SH2D3C: variants seen among roughly 807,000 people sequenced by gnomAD.
SH2D3C encodes the protein SH2 domain containing 3C.
In SH2D3C, 25 loss-of-function variants were observed where a neutral mutation model predicts 75.2. The ratio of observed to expected loss-of-function variants is 0.33; its 90% confidence interval spans 0.24 to 0.46. SH2D3C has a LOEUF of 0.46. Among genes scored for constraint, SH2D3C ranks in the 20% least tolerant of loss-of-function variants. The probability of loss-of-function intolerance (pLI) is 1.00; values close to 1 mark genes in which losing one functional copy is unlikely to be tolerated. For missense variants in SH2D3C, 933 were observed against 1,165.3 expected (o/e 0.80, Z 2.90); for synonymous variants, 450 against 473.7 (o/e 0.95, Z 0.65).
At position 127,778,622 on chromosome 9, in the gene SH2D3C, T is replaced by C; in HGVS notation, c.6A>G (p.Thr2=). Residue 2 remains threonine, a synonymous_variant, in exon 1 of 12, where the codon ACA becomes ACG. Transcript: ENST00000314830. M[T]EGTKKTSKKF... Reference sequence around the variant, plus strand: ...TTTTGCTGGTCTTCTTGGTCCCCTCTGTCATCTTGGCAAATTGTGTGAAGC... The same window carrying C: ...TTTTGCTGGTCTTCTTGGTCCCCTCCGTCATCTTGGCAAATTGTGTGAAGC... The C allele has an allele frequency of 6.2e-7, 1 of 1,613,978 alleles. No individual in the cohort carries two copies. Among genetic ancestry groups the C allele is most frequent in the East Asian group, 2.2e-5 (1 of 44,886 alleles).
At position 127,761,515 on chromosome 9, in the gene SH2D3C, C is replaced by T. The variant is rs999316716; in HGVS notation, c.555+96G>A. The T allele has an allele frequency of 2.7e-4, 228 of 855,002 alleles. No individual in the cohort carries two copies. The African/African-American group carries it at 3.3e-3, about 12-fold the overall frequency. The allele number at this position is 855,002 out of a possible 1,614,324, so 53.0% of individuals were successfully genotyped here. A position where few individuals can be genotyped will look rare whatever the true frequency, so the allele number is the denominator to read the frequency against. Reference sequence around the variant, plus strand: ...GGGAATACACAGTGAGGTCTGGCTCCTAACAAGGCTTGAGGAAGGGCTCTG... The same window carrying T: ...GGGAATACACAGTGAGGTCTGGCTCTTAACAAGGCTTGAGGAAGGGCTCTG... On this transcript the variant is annotated intron_variant, in intron 3 of 11. Coordinates refer to ENST00000314830, the MANE Select transcript of SH2D3C (RefSeq NM_170600.3).
rs1159336156 is a variant in SH2D3C at position 127,747,259 on chromosome 9, G to A, written c.1152C>T (p.Pro384=). 6.2e-7 allele frequency: 1 copy of A among 1,612,984 alleles called. No individual in the cohort carries two copies. Among genetic ancestry groups the A allele is most frequent in the Admixed American group, 1.7e-5 (1 of 60,004 alleles). Residue 384 remains proline (P), a synonymous_variant, in exon 6 of 12, where the codon CCC becomes CCT. Transcript: ENST00000314830. ...SDGCPTSTSL[P]RPRDSIRSCA... ...AGCTGCGGATGGAGTCCCGAGGGCG[G>A]GGCAGCGACGTACTGTGGAGCAGAC...
At chr9:127,757,669 T>TA (rs1554798709) in intron 3 of SH2D3C, among the ~76,000 whole-genome samples, 2 of 147,694 alleles carry the variant, frequency 1.4e-5, no homozygotes, top group African/African-American at 2.5e-5. Flanking sequence ...TTATTATTAT[T>TA]TTGAGATGGA....
chr9:127,775,276 T>C (rs1207084063), intron 1 of SH2D3C, among the ~76,000 whole-genome samples: 4 of 152,160 alleles, frequency 2.6e-5, no homozygotes, highest in African/African-American at 9.7e-5. Flanking sequence ...GGAGGACTGC[T>C]TGAGGTCAAG....
chr9:127,740,349 T>C lies in SH2D3C; in HGVS notation c.2109A>G (p.Thr703=), dbSNP rs1476961419. The C allele has an allele frequency of 3.1e-6, 5 of 1,614,086 alleles. No homozygotes were observed. The highest frequency in any genetic ancestry group is 4.2e-6 in the Non-Finnish European group (5 of 1,179,990). Residue 703 remains threonine, a synonymous_variant, in exon 10 of 12, where the codon ACA becomes ACG. Transcript: ENST00000314830. ...DMAQISRLEQ[T]WVTLRQRHTE... is the part of the protein sequence containing the mutation. ...TGTGTCGCTGCCGCAGGGTCACCCA[T>C]GTCTGCTCCAGCCGAGAAATCTGGG...
rs1844792554 is a variant in SH2D3C, at chr9:127,739,708, T to G, written c.2381A>C (p.His794Pro). Reference protein sequence around the residue: ...RTVAHHGGLYHTNAEVKLQGF... With the variant: ...RTVAHHGGLYPTNAEVKLQGF... ...CTGCAGCTTGACTTCAGCATTGGTG[T>G]GGTACAGGCCTCCGTGGTGTGCCAC... The change falls in exon 11 of 12, where the codon CAC becomes CCC. Residue 794 changes from histidine (H) to proline (P), a missense_variant. Physicochemically the swap from His to Pro is moderately conservative, Grantham distance 77. Transcript: ENST00000314830. This position sits in a 1 kb window ranked among gnomAD's most constrained non-coding sequence, Gnocchi z 4.3. The G allele has an allele frequency of 6.2e-7, 1 of 1,609,896 alleles. No individual in the cohort carries two copies. Among genetic ancestry groups the G allele is most frequent in the African/African-American group, 1.3e-5 (1 of 74,798 alleles).
chr9:127,771,383 T>C, intron 2 of SH2D3C: 2 of 1,330,344 alleles, frequency 1.5e-6, no homozygotes, highest in Non-Finnish European at 1.9e-6. Context: ...CTGCGCTCCT[T>C]GCCCGGCCCC....
intron 2 of SH2D3C, chr9:127,762,270 T>C (rs1845547260): frequency 4.8e-6 from 6 of 1,242,638 alleles, no homozygotes; most frequent in Non-Finnish European, 6.2e-6. Flanking sequence ...CGGCTGTTTT[T>C]CCTTCCTTCC....
At chr9:127,765,043 C>T (rs1389877952) in intron 2 of SH2D3C, among the ~76,000 whole-genome samples, 1 of 152,044 alleles carries the variant, frequency 6.6e-6, no homozygotes, top group African/African-American at 2.4e-5. Flanking sequence ...CAGAGTCTCA[C>T]TCTGTCATCT....
chr9:127,768,069 T>G (rs1845668361), intron 2 of SH2D3C, among the ~76,000 whole-genome samples: 1 of 152,068 alleles, frequency 6.6e-6, no homozygotes, highest in Non-Finnish European at 1.5e-5. Context: ...TGAGAAAGTC[T>G]CCACAGGAAA....
In SH2D3C at chr9:127,760,684, C is replaced by T. The variant is rs141083109; in HGVS notation, c.555+927G>A. Reference sequence around the variant, plus strand: ...GGACCTCAAGTTTCCCATCTGTAAACGGGCACAAGAAGGCTCTCCCTACCC... The same window carrying T: ...GGACCTCAAGTTTCCCATCTGTAAATGGGCACAAGAAGGCTCTCCCTACCC... On this transcript the variant is annotated intron_variant, in intron 3 of 11. Coordinates refer to ENST00000314830, the MANE Select transcript of SH2D3C (RefSeq NM_170600.3). Among the ~76,000 whole-genome samples the T allele has an allele frequency of 1.1e-3, 168 of 152,158 alleles. 4 individuals carry two copies. The East Asian group carries it at 0.03, about 27-fold the overall frequency.
At chr9:127,771,408 T>A in intron 2 of SH2D3C, 1 of 1,295,632 alleles carries the variant, frequency 7.7e-7, no homozygotes. Context: ...CACCGCCTAC[T>A]CCACCGGCAG....
At chr9:127,742,156 T>A (rs1844881391) in intron 8 of SH2D3C, among the ~76,000 whole-genome samples, 197 bp from the exon 9 acceptor site, 1 of 151,928 alleles carries the variant, frequency 6.6e-6, no homozygotes, top group African/African-American at 2.4e-5. Context: ...TCAGCATAAA[T>A]CAGGGGCGGG....
intron 3 of SH2D3C, among the ~76,000 whole-genome samples, chr9:127,753,216 G>C (rs1344466780): frequency 6.6e-6 from 1 of 152,272 alleles, no homozygotes; most frequent in East Asian, 1.9e-4. Context: ...GCAGCCTAGG[G>C]TTTTCCAGGC....
intron 5 of SH2D3C, among the ~76,000 whole-genome samples, chr9:127,747,697 C>A (rs937931369): frequency 6.6e-6 from 1 of 152,032 alleles, no homozygotes; most frequent in African/African-American, 2.4e-5. Context: ...CGTTACCAAG[C>A]GTGGCTAATT....
intron 8 of SH2D3C, 133 bp from the exon 9 acceptor site, chr9:127,742,092 G>T: frequency 2.5e-6 from 2 of 800,516 alleles, no homozygotes; most frequent in South Asian, 3.8e-5. Flanking sequence ...AGGGTCAATG[G>T]GATAAGGGGG....
chr9:127,776,962 A>G (rs1829019271), intron 1 of SH2D3C, among the ~76,000 whole-genome samples: 1 of 152,128 alleles, frequency 6.6e-6, no homozygotes, highest in Admixed American at 6.5e-5. Context: ...CTTCTTTCTC[A>G]GCACCACTGG....
chr9:127,770,260 T>C (rs755643264), intron 2 of SH2D3C, among the ~76,000 whole-genome samples: 1 of 152,100 alleles, frequency 6.6e-6, no homozygotes, highest in Admixed American at 6.5e-5. Context: ...TTCCCCTTCC[T>C]TCCTCCTGCT....
Position 127,751,388 on chromosome 9 carries a change from TC to T in SH2D3C, c.556-89del. 1 of 1,315,990 alleles carries T rather than the reference TC, an allele frequency of 7.6e-7. No homozygotes were observed. The allele number at this position is 1,315,990 out of a possible 1,614,324, so 81.5% of individuals were successfully genotyped here. A position where few individuals can be genotyped will look rare whatever the true frequency, so the allele number is the denominator to read the frequency against. On this transcript the variant is annotated intron_variant, in intron 3 of 11. Coordinates refer to ENST00000314830, the MANE Select transcript of SH2D3C (RefSeq NM_170600.3). This position sits in a 1 kb window ranked among gnomAD's most constrained non-coding sequence, Gnocchi z 4.1. Reference sequence around the variant, plus strand: ...CTTCATTCTACCATGGATGAACTCCTCCTATCCTGGGACTCTGGGAACACTA... The same window carrying T: ...CTTCATTCTACCATGGATGAACTCCTCTATCCTGGGACTCTGGGAACACTA...
Sources: allele counts gnomAD v4.1 joint callset (sites outside exome capture counted in the v4.1 genomes callset), GRCh38; gene constraint gnomAD v4.1.1; non-coding constraint Gnocchi (gnomAD v3.1); transcripts MANE v1.5; gene names NCBI Gene and HGNC (gene_info 2026-07-23, HGNC 2026-07-21).